TMCC1: variants seen among roughly 807,000 people sequenced by gnomAD.
The protein encoded by TMCC1 is transmembrane and coiled-coil domains protein 1.
Under a neutral mutation model 52.4 loss-of-function variants are expected in TMCC1, and 15 were observed. The ratio of observed to expected loss-of-function variants is 0.29; its 90% CI spans 0.19 to 0.44. TMCC1 has a LOEUF of 0.44. Among genes scored for constraint, TMCC1 ranks in the 20% least tolerant of loss-of-function variants. TMCC1 has a pLI of 1.00. For missense variants in TMCC1, 503 were observed against 806.0 expected (o/e 0.62, Z 4.55); for synonymous variants, 279 against 301.9 (o/e 0.92, Z 0.79).
intron 4 of TMCC1, among the ~76,000 whole-genome samples, chr3:129,726,998 T>G (rs147923647): frequency 1.1e-3 from 157 of 149,006 alleles, no homozygotes; most frequent in African/African-American, 3.8e-3. Context: ...AGATCTAGAA[T>G]CCACATGTAC....
chr3:129,884,129 T>C (rs1304952267), intron 1 of TMCC1, among the ~76,000 whole-genome samples: 1 of 151,976 alleles, frequency 6.6e-6, no homozygotes, highest in Non-Finnish European at 1.5e-5. Context: ...TGTCAGCAAA[T>C]GTGCACTACA....
At chr3:129,697,269 G>A (rs2047481204) in intron 4 of TMCC1, among the ~76,000 whole-genome samples, 1 of 152,180 alleles carries the variant, frequency 6.6e-6, no homozygotes, top group South Asian at 2.1e-4. Context: ...TGTACCTACA[G>A]GCTCAACACC....
chr3:129,739,663 C>T (rs1299707733), intron 4 of TMCC1, among the ~76,000 whole-genome samples: 1 of 152,172 alleles, frequency 6.6e-6, no homozygotes, highest in African/African-American at 2.4e-5. Context: ...AGTATCTAAT[C>T]TCCATTTTTG....
chr3:129,761,802 C>T (rs552325151), intron 4 of TMCC1, among the ~76,000 whole-genome samples: 128 of 152,044 alleles, frequency 8.4e-4, no homozygotes, highest in African/African-American at 2.8e-3. Flanking sequence ...AGCAGCCTCG[C>T]CAACGTGGTG....
intron 4 of TMCC1, among the ~76,000 whole-genome samples, chr3:129,672,270 TG>T (rs1369874964): frequency 3.3e-5 from 5 of 152,042 alleles, no homozygotes; most frequent in African/African-American, 4.8e-5. Context: ...CTTGTGGTGG[TG>T]AATTTGAATA....
chr3:129,875,415 C>T (rs2061147641), intron 2 of TMCC1, among the ~76,000 whole-genome samples: 1 of 143,688 alleles, frequency 7.0e-6, no homozygotes, highest in African/African-American at 2.6e-5. Flanking sequence ...CGCTTGAACC[C>T]TGGAGGCAGA....
intron 4 of TMCC1, among the ~76,000 whole-genome samples, chr3:129,819,482 T>C (rs1430100239): frequency 1.3e-5 from 2 of 152,216 alleles, no homozygotes; most frequent in South Asian, 2.1e-4. Flanking sequence ...TTACTGCCTG[T>C]AAAAATTTCA....
intron 2 of TMCC1, among the ~76,000 whole-genome samples, chr3:129,876,331 T>C (rs1040246752): frequency 6.6e-6 from 1 of 150,906 alleles, no homozygotes; most frequent in Non-Finnish European, 1.5e-5. Context: ...GTGAAGAGGT[T>C]CTCACAAGCC....
chr3:129,870,971 CT>C (rs57005438), intron 2 of TMCC1, among the ~76,000 whole-genome samples: 3 of 150,410 alleles, frequency 2.0e-5, no homozygotes, highest in Non-Finnish European at 3.0e-5. Context: ...CCAATGTTAG[CT>C]TTTTTTTTAA....
chr3:129,854,049 T>C (rs1466929592), intron 2 of TMCC1, among the ~76,000 whole-genome samples: 1 of 152,090 alleles, frequency 6.6e-6, no homozygotes, highest in Non-Finnish European at 1.5e-5. Flanking sequence ...TACCCCTACA[T>C]CCACTCTGGT....
chr3:129,763,861 CCTGT>C (rs894301899), intron 4 of TMCC1, among the ~76,000 whole-genome samples: 4 of 150,384 alleles, frequency 2.7e-5, no homozygotes, highest in Non-Finnish European at 5.9e-5. Flanking sequence ...AAACAAAATA[CCTGT>C]CTTAGTTTTT....
At chr3:129,679,188 T>C (rs1576419097) in intron 4 of TMCC1, among the ~76,000 whole-genome samples, 1 of 152,306 alleles carries the variant, frequency 6.6e-6, no homozygotes, top group Non-Finnish European at 1.5e-5. Context: ...ACGCAGTGAG[T>C]GTTCCTTCTT....
chr3:129,888,270 G>A (rs1425855766), intron 1 of TMCC1, among the ~76,000 whole-genome samples: 1 of 152,174 alleles, frequency 6.6e-6, no homozygotes, highest in Non-Finnish European at 1.5e-5. Context: ...GAGACATCAC[G>A]AAGTCATGTT....
At chr3:129,872,776 C>T (rs1227019998) in intron 2 of TMCC1, among the ~76,000 whole-genome samples, 1 of 151,966 alleles carries the variant, frequency 6.6e-6, no homozygotes. Flanking sequence ...TTACCTATCT[C>T]GTTGCTTCTG....
chr3:129,793,326 C>G lies in TMCC1; in HGVS notation c.576+34477G>C, dbSNP rs190961062. Among the ~76,000 whole-genome samples the G allele has an allele frequency of 1.4e-4, 21 of 152,272 alleles. No homozygotes were observed. In the East Asian group the frequency reaches 3.9e-3, roughly 28 times the overall value. ...GCAAGCACTTTGCTCATTTCTGCAT[C>G]AGTGCACACACTCTACACTGGGGTC... On this transcript the variant is annotated intron_variant, in intron 4 of 6. Transcript: ENST00000393238.
rs959247732 is a variant in TMCC1, at chr3:129,844,630, G to A, written c.-183-11804C>T. ...CACCATTCCTGAACGGTAACCGCAA[G>A]AAAGGTGCTAGGTCATTCTGCCTTG... On this transcript the variant is annotated intron_variant, in intron 2 of 6. Coordinates refer to ENST00000393238, the MANE Select transcript of TMCC1 (RefSeq NM_001017395.5). Among the ~76,000 whole-genome samples, 4 of 152,292 alleles carry A rather than the reference G, an allele frequency of 2.6e-5. No homozygotes were observed. In the South Asian group the frequency reaches 8.3e-4, roughly 32 times the overall value.
At chr3:129,793,946 A>G (rs2056642110) in intron 4 of TMCC1, among the ~76,000 whole-genome samples, 1 of 152,222 alleles carries the variant, frequency 6.6e-6, no homozygotes, top group African/African-American at 2.4e-5. Flanking sequence ...GAAAGCACTG[A>G]TTCCACAGAG....
intron 4 of TMCC1, among the ~76,000 whole-genome samples, chr3:129,771,722 C>A (rs1449966087): frequency 1.5e-5 from 2 of 133,364 alleles, no homozygotes; most frequent in East Asian, 4.7e-4. Context: ...CTGCAGTGAG[C>A]CATGATCATG....
intron 5 of TMCC1, among the ~76,000 whole-genome samples, chr3:129,661,344 T>G (rs2087010378): frequency 6.6e-6 from 1 of 152,122 alleles, no homozygotes; most frequent in South Asian, 2.1e-4. Flanking sequence ...GAGGATCACT[T>G]GAGCCCGAGA....
Sources: gnomAD v4.1 joint callset for allele counts (sites outside exome capture counted in the v4.1 genomes callset) on GRCh38, gnomAD v4.1.1 for gene constraint, MANE v1.5 for transcripts, NCBI Gene and HGNC (gene_info 2026-07-23, HGNC 2026-07-21) for gene names.